Variants in LIN28B observed in about 807,000 individuals in gnomAD.
LIN28B encodes the protein protein lin-28 homolog B.
A neutral mutation model predicts 21.9 loss-of-function variants in LIN28B; 5 were observed. That is an observed-to-expected ratio of 0.23 (90% CI 0.12 to 0.48). The LOEUF (loss-of-function observed/expected upper bound fraction) is 0.48. LIN28B is among the 20% of genes least tolerant of loss of function. LIN28B has a pLI of 0.98. For missense variants in LIN28B, 245 were observed against 310.5 expected (o/e 0.79, Z 1.58); for synonymous variants, 109 against 111.3 (o/e 0.98, Z 0.13).
chr6:105,065,600 T>C (rs554364838), intron 3 of LIN28B, among the ~76,000 whole-genome samples: 82 of 152,356 alleles, frequency 5.4e-4, no homozygotes, highest in African/African-American at 1.9e-3. Flanking sequence ...ACCAAACTTA[T>C]CGATCATTAG....
chr6:105,060,751 T>C (rs1362958536), intron 3 of LIN28B, among the ~76,000 whole-genome samples: 2 of 152,158 alleles, frequency 1.3e-5, no homozygotes, highest in African/African-American at 4.8e-5. Flanking sequence ...CAGTAAACAC[T>C]GTGAATGCAA....
intron 2 of LIN28B, among the ~76,000 whole-genome samples, chr6:105,005,042 G>C (rs1422667879): frequency 6.6e-6 from 1 of 152,128 alleles, no homozygotes; most frequent in East Asian, 1.9e-4. Context: ...TCATAGAAAG[G>C]GTAATGAGGC....
chr6:105,017,583 G>A (rs117694169), intron 2 of LIN28B, among the ~76,000 whole-genome samples: 1 of 152,282 alleles, frequency 6.6e-6, no homozygotes, highest in Non-Finnish European at 1.5e-5. Context: ...GGGGCTCTGA[G>A]TGTTTTTTCA....
rs567143486 is a variant in LIN28B at position 105,043,153 on chromosome 6, G to A, written c.383+16671G>A. 5.3e-5 allele frequency among the ~76,000 whole-genome samples: 8 copies of A among 152,072 alleles called. No homozygotes were observed. The East Asian group carries it at 1.2e-3, about 22-fold the overall frequency. On this transcript the variant is annotated intron_variant, in intron 3 of 3. Coordinates refer to ENST00000345080, the MANE Select transcript of LIN28B (RefSeq NM_001004317.4). ...TGAAGAAAACTGAAACTGGCCAGACGTTATGGCTCATGCCTATAATCCCAG... is the reference window on the plus strand; with the variant it reads ...TGAAGAAAACTGAAACTGGCCAGACATTATGGCTCATGCCTATAATCCCAG...
At chr6:105,031,036 T>C (rs1771412331) in intron 3 of LIN28B, among the ~76,000 whole-genome samples, 1 of 152,168 alleles carries the variant, frequency 6.6e-6, no homozygotes, top group Admixed American at 6.5e-5. Context: ...CCGCCAAACA[T>C]GTATGCCCAC....
intron 2 of LIN28B, among the ~76,000 whole-genome samples, chr6:104,993,800 A>G (rs904837727): frequency 1.3e-5 from 2 of 149,838 alleles, no homozygotes; most frequent in African/African-American, 5.0e-5. Flanking sequence ...GAGTCACTGC[A>G]CTTCCAGCCT....
Position 105,082,492 on chromosome 6 carries a change from A to T in LIN28B, c.*3709A>T, listed in dbSNP as rs1772559422. 1 of 152,664 alleles carries T rather than the reference A, an allele frequency of 6.6e-6. No individual in the cohort carries two copies. The highest frequency in any genetic ancestry group is 1.5e-5 in the Non-Finnish European group (1 of 68,036). The allele number at this position is 152,664 out of a possible 1,614,324, so 9.5% of individuals were successfully genotyped here. Reference sequence around the variant, plus strand: ...TTAATTTATCTGTTTTCTCTAAGAAATGTTTATCATAAAATATATATGTGT... The same window carrying T: ...TTAATTTATCTGTTTTCTCTAAGAATTGTTTATCATAAAATATATATGTGT... On this transcript the variant is annotated 3_prime_UTR_variant, in exon 4 of 4. Transcript: ENST00000345080.
At chr6:104,966,866 C>G (rs1769871017) in intron 2 of LIN28B, among the ~76,000 whole-genome samples, 1 of 152,080 alleles carries the variant, frequency 6.6e-6, no homozygotes. Context: ...TGTGATCCGC[C>G]CACTTCGGCC....
In LIN28B at chr6:105,070,592, CCACACACACACACACACACA is replaced by C. The variant is rs752057191; in HGVS notation, c.384-7792_384-7773del. 1.1e-3 allele frequency among the ~76,000 whole-genome samples: 104 copies of C among 92,226 alleles called. 2 individuals carry two copies. The East Asian group carries it at 0.025, about 22-fold the overall frequency. The allele number at this position is 92,226 out of a possible 152,430, so 60.5% of individuals were successfully genotyped here. A position where few individuals can be genotyped will look rare whatever the true frequency, so the allele number is the denominator to read the frequency against. On this transcript the variant is annotated intron_variant, in intron 3 of 3. Coordinates refer to ENST00000345080, the MANE Select transcript of LIN28B (RefSeq NM_001004317.4). ...CAAAACTCTATCTCTATCAATAAAA[CCACACACACACACACACACA>C]CACACACACACACACACACACACAC...
intron 3 of LIN28B, among the ~76,000 whole-genome samples, chr6:105,042,443 A>G (rs186020543): frequency 3.1e-4 from 47 of 152,172 alleles, no homozygotes; most frequent in Non-Finnish European, 5.7e-4. Flanking sequence ...TTATTTGTTT[A>G]TATGTTTCTT....
chr6:104,940,843 C>T (rs11754600), intron 2 of LIN28B: 75,111 of 152,158 alleles, frequency 0.49, 19,649 homozygotes, highest in East Asian at 0.69. Context: ...CTGACCCTCC[C>T]GGCCCCGCCG....
At chr6:105,051,877 A>C (rs756512489) in intron 3 of LIN28B, among the ~76,000 whole-genome samples, 2 of 152,176 alleles carry the variant, frequency 1.3e-5, no homozygotes, top group Non-Finnish European at 2.9e-5. Flanking sequence ...TGTGAGGCAA[A>C]TAAGCAAAAA....
intron 2 of LIN28B, among the ~76,000 whole-genome samples, chr6:104,965,272 G>A (rs879468034): frequency 1.3e-5 from 2 of 152,190 alleles, no homozygotes; most frequent in Non-Finnish European, 2.9e-5. Context: ...GCTCATGCCT[G>A]TAATCCCAGC....
In LIN28B at chr6:105,029,985, G is replaced by A. The variant is rs201090587; in HGVS notation, c.383+3503G>A. Among the ~76,000 whole-genome samples the A allele has an allele frequency of 1.3e-4, 20 of 152,316 alleles. No individual in the cohort carries two copies. In the East Asian group the frequency reaches 3.3e-3, roughly 25 times the overall value. ...TTGGGGTACTGATCTGGCAAGGTACGAGGTGGTGGTGGTCAGAAGTGAATA... is the reference window on the plus strand; with the variant it reads ...TTGGGGTACTGATCTGGCAAGGTACAAGGTGGTGGTGGTCAGAAGTGAATA... On this transcript the variant is annotated intron_variant, in intron 3 of 3. Coordinates refer to ENST00000345080, the MANE Select transcript of LIN28B (RefSeq NM_001004317.4).
chr6:105,010,566 C>T (rs192915286), intron 2 of LIN28B, among the ~76,000 whole-genome samples: 1 of 152,198 alleles, frequency 6.6e-6, no homozygotes, highest in East Asian at 1.9e-4. Flanking sequence ...GTGCAATTAT[C>T]GTTTTTGTAT....
intron 2 of LIN28B, among the ~76,000 whole-genome samples, chr6:104,983,148 ATAT>A (rs1417491887): frequency 1.3e-5 from 2 of 152,196 alleles, no homozygotes; most frequent in Non-Finnish European, 2.9e-5. Context: ...GACATAAATA[ATAT>A]TCAAGGCATC....
At chr6:104,984,328 A>T (rs1770289249) in intron 2 of LIN28B, among the ~76,000 whole-genome samples, 1 of 152,262 alleles carries the variant, frequency 6.6e-6, no homozygotes, top group African/African-American at 2.4e-5. Context: ...TAATAAACAT[A>T]CAGTAGTCAT....
chr6:105,046,183 C>T (rs188592893), intron 3 of LIN28B, among the ~76,000 whole-genome samples: 47 of 152,094 alleles, frequency 3.1e-4, no homozygotes, highest in African/African-American at 1.1e-3. Flanking sequence ...CACCCCATGA[C>T]AGGCCCCAGT....
In LIN28B at chr6:105,082,819, A is replaced by G. The variant is rs1026195311; in HGVS notation, c.*4036A>G. 6.5e-5 allele frequency: 10 copies of G among 152,684 alleles called. No individual in the cohort carries two copies. Among genetic ancestry groups the G allele is most frequent in the African/African-American group, 9.6e-5 (4 of 41,460 alleles). 9.5% of individuals were successfully genotyped at this position (152,684 alleles called of 1,614,324 possible). ...ACTGTGAGAAGTATTATGATATTTA[A>G]TGCATCTGTGGCTTAACACTTGTGA... On this transcript the variant is annotated 3_prime_UTR_variant, in exon 4 of 4. Coordinates refer to ENST00000345080, the MANE Select transcript of LIN28B (RefSeq NM_001004317.4).
Sources: gnomAD v4.1 joint callset for allele counts (sites outside exome capture counted in the v4.1 genomes callset) on GRCh38, gnomAD v4.1.1 for gene constraint, MANE v1.5 for transcripts, NCBI Gene and HGNC (gene_info 2026-07-23, HGNC 2026-07-21) for gene names.